KCNH8: variants seen among roughly 807,000 people sequenced by gnomAD.
KCNH8 encodes the protein voltage-gated delayed rectifier potassium channel KCNH8.
A neutral mutation model predicts 103.6 loss-of-function variants in KCNH8; 70 were observed. The ratio of observed to expected loss-of-function variants is 0.68; its 90% CI spans 0.56 to 0.82. KCNH8 has a LOEUF of 0.82. KCNH8 is among the 40% of genes least tolerant of loss of function. The probability of loss-of-function intolerance (pLI) is 0.00; values close to 1 mark genes in which losing one functional copy is unlikely to be tolerated. For synonymous variants in KCNH8, 498 were observed against 489.4 expected (o/e 1.02, Z -0.23); for missense variants, 1,217 against 1,329.9 (o/e 0.92, Z 1.32).
intron 8 of KCNH8, among the ~76,000 whole-genome samples, chr3:19,441,817 C>T (rs956650757): frequency 2.0e-5 from 3 of 152,168 alleles, no homozygotes; most frequent in Non-Finnish European, 4.4e-5. Context: ...CTACAGGCTT[C>T]CTTGCATGAG....
chr3:19,426,781 T>C (rs1251836123), intron 7 of KCNH8, among the ~76,000 whole-genome samples: 1 of 152,100 alleles, frequency 6.6e-6, no homozygotes, highest in Non-Finnish European at 1.5e-5. Flanking sequence ...TTCTTTCCAC[T>C]TTTGCCTACT....
At chr3:19,307,655 T>TA (rs2065147423) in intron 3 of KCNH8, among the ~76,000 whole-genome samples, 2 of 151,908 alleles carry the variant, frequency 1.3e-5, no homozygotes, top group African/African-American at 2.4e-5. Context: ...CTTAGGTGTC[T>TA]AAAAACAGAT....
chr3:19,355,831 A>G (rs1480406177), intron 5 of KCNH8, among the ~76,000 whole-genome samples: 1 of 152,022 alleles, frequency 6.6e-6, no homozygotes, highest in Non-Finnish European at 1.5e-5. Context: ...ATGTATACAT[A>G]TGTAACAAAC....
intron 1 of KCNH8, among the ~76,000 whole-genome samples, chr3:19,176,907 T>C (rs1055255975): frequency 6.6e-6 from 1 of 152,178 alleles, no homozygotes; most frequent in Non-Finnish European, 1.5e-5. Flanking sequence ...AAACAATCAA[T>C]ACATAACCTT....
rs535836008 is a variant in KCNH8 at position 19,379,821 on chromosome 3, C to G, written c.812-10660C>G. On this transcript the variant is annotated intron_variant, in intron 5 of 15. Coordinates refer to ENST00000328405, the MANE Select transcript of KCNH8 (RefSeq NM_144633.3). The stretch of plus-strand genomic sequence containing the variant: ...TAGGCTTATAGTTTGTGGCAGTGTT[C>G]AGTCCTGAGTAACCTAAGTATTGTA... Among the ~76,000 whole-genome samples, 129 of 152,244 alleles carry G rather than the reference C, an allele frequency of 8.5e-4. 1 individual carries two copies. The highest frequency in any genetic ancestry group is 3.0e-3 in the African/African-American group (125 of 41,548).
intron 2 of KCNH8, among the ~76,000 whole-genome samples, chr3:19,277,537 A>C (rs2064692024): frequency 6.6e-6 from 1 of 152,158 alleles, no homozygotes; most frequent in Non-Finnish European, 1.5e-5. Context: ...GTGATAGAGT[A>C]AGACTTTCTC....
At chr3:19,267,943 C>G (rs2064535686) in intron 2 of KCNH8, among the ~76,000 whole-genome samples, 1 of 152,124 alleles carries the variant, frequency 6.6e-6, no homozygotes, top group Non-Finnish European at 1.5e-5. Flanking sequence ...GTGCCTTGCA[C>G]AGTGTCTGAC....
chr3:19,427,847 G>C (rs1190600322), intron 7 of KCNH8, among the ~76,000 whole-genome samples: 2 of 152,188 alleles, frequency 1.3e-5, no homozygotes, highest in Admixed American at 6.5e-5. Flanking sequence ...GATGGAGACA[G>C]TAAGTAGACA....
chr3:19,436,725 A>G (rs1025107576), intron 7 of KCNH8, among the ~76,000 whole-genome samples: 3 of 152,204 alleles, frequency 2.0e-5, no homozygotes, highest in African/African-American at 4.8e-5. Flanking sequence ...GAGACACACC[A>G]TCTCACACAT....
At position 19,533,388 on chromosome 3, in the gene KCNH8, C is replaced by A. The variant is rs375809471; in HGVS notation, c.2620-7C>A. ...CTATTGTCTTTCACTTTGCTCTATC[C>A]ACATAGGTAACAACATTGACTCAGG... is the stretch of plus-strand genomic sequence containing the variant. On this transcript the variant is annotated splice_region_variant and splice_polypyrimidine_tract_variant and intron_variant, in intron 15 of 15. Coordinates refer to ENST00000328405, the MANE Select transcript of KCNH8 (RefSeq NM_144633.3). 6.2e-5 allele frequency: 99 copies of A among 1,596,524 alleles called. No individual in the cohort carries two copies. Among genetic ancestry groups the A allele is most frequent in the Non-Finnish European group, 8.3e-5 (97 of 1,164,040 alleles).
chr3:19,401,650 A>G (rs2066614529), intron 7 of KCNH8, among the ~76,000 whole-genome samples: 1 of 152,004 alleles, frequency 6.6e-6, no homozygotes, highest in African/African-American at 2.4e-5. Context: ...AGCAAATGGT[A>G]TATTTTAAAG....
intron 3 of KCNH8, among the ~76,000 whole-genome samples, chr3:19,319,599 A>C (rs1419970082): frequency 6.6e-6 from 1 of 151,720 alleles, no homozygotes; most frequent in East Asian, 1.9e-4. Flanking sequence ...TGGGTAATGT[A>C]ATGTCTCCAG....
At chr3:19,310,927 A>C (rs1015996630) in intron 3 of KCNH8, among the ~76,000 whole-genome samples, 1 of 151,776 alleles carries the variant, frequency 6.6e-6, no homozygotes, top group Non-Finnish European at 1.5e-5. Context: ...AGCACTTGTA[A>C]CCCTGTTACA....
rs556249287 is a variant in KCNH8 at position 19,211,374 on chromosome 3, T to G, written c.77-42280T>G. Among the ~76,000 whole-genome samples the G allele has an allele frequency of 1.2e-3, 179 of 152,230 alleles. 2 individuals carry two copies. The highest frequency in any genetic ancestry group is 3.7e-3 in the African/African-American group (152 of 41,546). On this transcript the variant is annotated intron_variant, in intron 1 of 15. Transcript: ENST00000328405. ...ATTGGAATAGTCAGGGCAGGCTTCA[T>G]GGAAGAGGTGGGGCTGGAGGAAGCA...
intron 15 of KCNH8, among the ~76,000 whole-genome samples, 185 bp downstream of exon 15, chr3:19,518,259 G>A (rs1179403337): frequency 6.6e-6 from 1 of 152,014 alleles, no homozygotes; most frequent in Non-Finnish European, 1.5e-5. Context: ...CTTCTCTCAA[G>A]CTCCACTTCC....
chr3:19,532,453 A>G lies in KCNH8; in HGVS notation c.2620-942A>G, dbSNP rs543019099. 2.6e-5 allele frequency among the ~76,000 whole-genome samples: 4 copies of G among 152,238 alleles called. No homozygotes were observed. In the East Asian group the frequency reaches 7.7e-4, roughly 29 times the overall value. On this transcript the variant is annotated intron_variant, in intron 15 of 15. Coordinates refer to ENST00000328405, the MANE Select transcript of KCNH8 (RefSeq NM_144633.3). Reference sequence around the variant, plus strand: ...AAACTTTCTCTGTAGCAAATCTGGTATGAGTTATTTTGTAGCATCCTCACC... The same window carrying G: ...AAACTTTCTCTGTAGCAAATCTGGTGTGAGTTATTTTGTAGCATCCTCACC...
intron 7 of KCNH8, among the ~76,000 whole-genome samples, chr3:19,398,572 A>G (rs921524540): frequency 6.6e-6 from 1 of 151,978 alleles, no homozygotes; most frequent in African/African-American, 2.4e-5. Flanking sequence ...ATCATAAGAT[A>G]CAGTGAGGGA....
intron 1 of KCNH8, among the ~76,000 whole-genome samples, chr3:19,187,635 C>G (rs536194060): frequency 6.6e-6 from 1 of 152,228 alleles, no homozygotes; most frequent in African/African-American, 2.4e-5. Flanking sequence ...ATATTTGAAA[C>G]AGATAGCTTT....
In KCNH8 at chr3:19,337,128, C is replaced by A. The variant is rs183415055; in HGVS notation, c.443-5459C>A. Among the ~76,000 whole-genome samples, 357 of 152,154 alleles carry A rather than the reference C, an allele frequency of 2.3e-3. 5 individuals carry two copies. The highest frequency in any genetic ancestry group is 8.1e-3 in the African/African-American group (336 of 41,546). ...GTTGGAAAGAACATGTGATTTCAAG[C>A]AAGTTCATTGAGAATTCAAATATCA... is the stretch of plus-strand genomic sequence containing the variant. On this transcript the variant is annotated intron_variant, in intron 3 of 15. Coordinates refer to ENST00000328405, the MANE Select transcript of KCNH8 (RefSeq NM_144633.3).
Sources: gnomAD v4.1 joint callset for allele counts (sites outside exome capture counted in the v4.1 genomes callset) on GRCh38, gnomAD v4.1.1 for gene constraint, MANE v1.5 for transcripts, NCBI Gene and HGNC (gene_info 2026-07-23, HGNC 2026-07-21) for gene names.